POLR1A: variants seen among roughly 807,000 people sequenced by gnomAD.
The protein encoded by POLR1A is RNA polymerase I subunit A.
In POLR1A, 84 loss-of-function variants were observed where a neutral mutation model predicts 205.3. The observed-to-expected ratio is 0.41, with a 90% confidence interval of 0.34 to 0.49. The LOEUF is 0.49. POLR1A is among the 20% of genes least tolerant of loss of function. The probability of loss-of-function intolerance (pLI) is 0.22; values close to 1 mark genes in which losing one functional copy is unlikely to be tolerated. For synonymous variants in POLR1A, 799 were observed against 863.7 expected, an observed-to-expected ratio of 0.93 and a Z score of 1.31; for missense variants, 1,645 against 2,204.5, an observed-to-expected ratio of 0.75 and a Z score of 5.08.
intron 14 of POLR1A, among the ~76,000 whole-genome samples, chr2:86,062,439 C>G (rs1300053546): frequency 6.6e-6 from 1 of 151,550 alleles, no homozygotes; most frequent in Admixed American, 6.6e-5. Context: ...TTCTAAATAA[C>G]TGAACAACAT....
In POLR1A at chr2:86,098,634, C is replaced by G. The variant is rs368460121; in HGVS notation, c.409G>C (p.Glu137Gln). 1 of 1,613,544 alleles carries G rather than the reference C, an allele frequency of 6.2e-7. No homozygotes were observed. Among genetic ancestry groups the G allele is most frequent in the African/African-American group, 1.3e-5 (1 of 74,844 alleles). The change falls in exon 3 of 34, where the codon GAG (glutamate) becomes CAG (glutamine). Residue 137 changes from glutamate (E) to glutamine (Q), a missense_variant. Coordinates refer to ENST00000263857, the MANE Select transcript of POLR1A (RefSeq NM_015425.6). ...ACCCTGTTCAGAATTCTCTCAAGCT[C>G]GTAGACTGCTTGTAGGGCCCCGACT... Reference protein sequence around the residue: ...LEVGALQAVYELERILNRFLE... With the variant: ...LEVGALQAVYQLERILNRFLE...
rs746423557 is a variant in POLR1A, at chr2:86,031,351, G to A, written c.4557C>T (p.Thr1519=). 42 of 1,566,622 alleles carry A rather than the reference G, an allele frequency of 2.7e-5. No individual in the cohort carries two copies. The East Asian group carries it at 4.7e-4, about 18-fold the overall frequency. Residue 1519 remains threonine, a synonymous_variant, in exon 30 of 34, where the codon ACC becomes ACT. Coordinates refer to ENST00000263857, the MANE Select transcript of POLR1A (RefSeq NM_015425.6). ...HPFIDDYQYD[T]EESLWCQVTV... ...TGACCTGGCACCACAGGCTCTCCTCGGTGTCGTACTGGTAGTCATCTATGA... is the reference window on the plus strand; with the variant it reads ...TGACCTGGCACCACAGGCTCTCCTCAGTGTCGTACTGGTAGTCATCTATGA...
At chr2:86,074,985 G>T (rs753480399) in intron 12 of POLR1A, 45 bp downstream of exon 12, 2 of 1,378,378 alleles carry the variant, frequency 1.5e-6, no homozygotes, top group East Asian at 2.4e-5. Flanking sequence ...ACCAGAATCC[G>T]AACAGGAGCC....
chr2:86,049,057 G>A lies in POLR1A; in HGVS notation c.2476-15C>T. Reference sequence around the variant, plus strand: ...GCCCTGACAGCCTAGAATGAGAACAGAAACACAGCGGAGGCTGAGGCCAAA... The same window carrying A: ...GCCCTGACAGCCTAGAATGAGAACAAAAACACAGCGGAGGCTGAGGCCAAA... On this transcript the variant is annotated splice_polypyrimidine_tract_variant and intron_variant, in intron 17 of 33. Coordinates refer to ENST00000263857, the MANE Select transcript of POLR1A (RefSeq NM_015425.6). 1.2e-6 allele frequency: 2 copies of A among 1,614,186 alleles called. No individual in the cohort carries two copies. The highest frequency in any genetic ancestry group is 1.7e-6 in the Non-Finnish European group (2 of 1,180,000).
Position 86,105,783 on chromosome 2 carries a change from G to A in POLR1A, c.-7C>T, listed in dbSNP as rs1272225974. 3 of 1,612,676 alleles carry A rather than the reference G, an allele frequency of 1.9e-6. No individual in the cohort carries two copies. Among genetic ancestry groups the A allele is most frequent in the Non-Finnish European group, 2.5e-6 (3 of 1,178,646 alleles). ...TGTTCTTGGAGATCAACATCCTCCAGGTCCGTTTTGAATTCCGACACCCCA... is the reference window on the plus strand; with the variant it reads ...TGTTCTTGGAGATCAACATCCTCCAAGTCCGTTTTGAATTCCGACACCCCA... On this transcript the variant is annotated 5_prime_UTR_variant, in exon 1 of 34. Transcript: ENST00000263857.
At chr2:86,097,620 G>A (rs564180955) in intron 3 of POLR1A, among the ~76,000 whole-genome samples, 7 of 152,188 alleles carry the variant, frequency 4.6e-5, no homozygotes, top group African/African-American at 1.4e-4. Context: ...AGGACATTAC[G>A]TGAAATAAGC....
intron 28 of POLR1A, 127 bp from the exon 29 acceptor site, chr2:86,032,509 C>G (rs1054891163): frequency 1.3e-5 from 9 of 702,890 alleles, no homozygotes; most frequent in Non-Finnish European, 2.0e-5. Flanking sequence ...TCCCATCCAG[C>G]CACCACCCTC....
intron 6 of POLR1A, among the ~76,000 whole-genome samples, chr2:86,087,225 C>T (rs988959292): frequency 1.3e-5 from 2 of 152,126 alleles, no homozygotes; most frequent in African/African-American, 4.8e-5. Flanking sequence ...AAAAATTATC[C>T]TAAACTATAA....
In POLR1A at chr2:86,028,829, T is replaced by C. The variant is rs1158520877; in HGVS notation, c.4780-118A>G. 1.4e-5 allele frequency: 10 copies of C among 720,200 alleles called. No individual in the cohort carries two copies. Among genetic ancestry groups the C allele is most frequent in the African/African-American group, 5.2e-5 (3 of 57,294 alleles). 44.6% of individuals were successfully genotyped at this position (720,200 alleles called of 1,614,324 possible). A position where few individuals can be genotyped will look rare whatever the true frequency, so the allele number is the denominator to read the frequency against. On this transcript the variant is annotated intron_variant, in intron 31 of 33. Coordinates refer to ENST00000263857, the MANE Select transcript of POLR1A (RefSeq NM_015425.6). The surrounding 1 kb of genome is among the most constrained non-coding windows in gnomAD (Gnocchi z 4.5). ...GTGTCTGGCAGCTCGGTACAGCTGA[T>C]GACAAAGTGGTCAAGAGGTGGCCCA...
chr2:86,028,695 C>T lies in POLR1A; in HGVS notation c.4796G>A (p.Arg1599His), dbSNP rs368879644. 15 of 1,613,784 alleles carry T rather than the reference C, an allele frequency of 9.3e-6. No individual in the cohort carries two copies. Among genetic ancestry groups the T allele is most frequent in the East Asian group, 4.5e-5 (2 of 44,886 alleles). The change falls in exon 32 of 34, where the codon CGC (arginine) becomes CAC (histidine). Residue 1599 changes from arginine (R) to histidine (H), a missense_variant. This residue lies in a region of POLR1A where 394 missense variants were observed against 468.5 expected (regional missense o/e 0.84). Transcript: ENST00000263857. This position sits in a 1 kb window ranked among gnomAD's most constrained non-coding sequence, Gnocchi z 4.5. ...GGCGTGGATGTCGTTGGAGTAGAGG[C>T]GGCGCAGATCCAGGACCTGGAGAGA... is the stretch of plus-strand genomic sequence containing the variant. The part of the protein sequence containing the change: ...FKYAEVLDLR[R>H]LYSNDIHAIA...
At chr2:86,055,498 C>T (rs763344822) in intron 14 of POLR1A, among the ~76,000 whole-genome samples, 3 of 152,316 alleles carry the variant, frequency 2.0e-5, no homozygotes, top group African/African-American at 2.4e-5. Flanking sequence ...CAGCACTGTG[C>T]GGTGAGTGGG....
At chr2:86,071,706 C>T (rs1673183494) in intron 12 of POLR1A, among the ~76,000 whole-genome samples, 1 of 152,214 alleles carries the variant, frequency 6.6e-6, no homozygotes, top group Admixed American at 6.5e-5. Context: ...GTCCTTCTGA[C>T]AGACATCTCT....
chr2:86,092,125 A>G (rs897973883), intron 3 of POLR1A, among the ~76,000 whole-genome samples: 4 of 152,134 alleles, frequency 2.6e-5, no homozygotes, highest in Non-Finnish European at 4.4e-5. Context: ...CAAAAAATAA[A>G]TAAATAAAAA....
intron 1 of POLR1A, among the ~76,000 whole-genome samples, chr2:86,102,713 G>A (rs1208122634): frequency 1.3e-5 from 2 of 152,206 alleles, no homozygotes; most frequent in African/African-American, 4.8e-5. Flanking sequence ...CTCTCTCTTT[G>A]TAGAGGAGAA....
chr2:86,037,272 G>A (rs1672517435), intron 27 of POLR1A, among the ~76,000 whole-genome samples: 2 of 152,246 alleles, frequency 1.3e-5, no homozygotes, highest in South Asian at 4.1e-4. Flanking sequence ...CAACGCAGGT[G>A]CTCCTGAGGC....
intron 4 of POLR1A, among the ~76,000 whole-genome samples, chr2:86,089,259 G>A (rs1424522): frequency 0.38 from 57,277 of 152,118 alleles, 13,248 homozygotes; most frequent in Non-Finnish European, 0.52. Flanking sequence ...TCTAAGGAAG[G>A]CACATCCACA....
Position 86,070,559 on chromosome 2 carries a change from C to T in POLR1A, c.1612-287G>A, listed in dbSNP as rs1269450733. ...TTTGTCTTCTTCAGAGATGCATAGC[C>T]GTCCCAGGTTTCTGGATTACTCTGA... is the stretch of plus-strand genomic sequence containing the variant. On this transcript the variant is annotated intron_variant, in intron 12 of 33. Transcript: ENST00000263857. This position sits in a 1 kb window ranked among gnomAD's most constrained non-coding sequence, Gnocchi z 4.4. Among the ~76,000 whole-genome samples, 3 of 151,966 alleles carry T rather than the reference C, an allele frequency of 2.0e-5. No individual in the cohort carries two copies. The highest frequency in any genetic ancestry group is 2.9e-5 in the Non-Finnish European group (2 of 68,018).
In POLR1A at chr2:86,087,531, T is replaced by C. The variant is rs116483116; in HGVS notation, c.730+1035A>G. Among the ~76,000 whole-genome samples the C allele has an allele frequency of 5.3e-5, 8 of 152,330 alleles. No individual in the cohort carries two copies. The East Asian group carries it at 1.2e-3, about 22-fold the overall frequency. Reference sequence around the variant, plus strand: ...AAAAAGTGGCAGAGCCAAGTGACAATTGCAGGTTGTGCTTTTTCTTTCTTT... The same window carrying C: ...AAAAAGTGGCAGAGCCAAGTGACAACTGCAGGTTGTGCTTTTTCTTTCTTT... On this transcript the variant is annotated intron_variant, in intron 6 of 33. Coordinates refer to ENST00000263857, the MANE Select transcript of POLR1A (RefSeq NM_015425.6).
intron 23 of POLR1A, among the ~76,000 whole-genome samples, 192 bp downstream of exon 23, chr2:86,042,782 C>A (rs945775726): frequency 1.3e-5 from 2 of 152,220 alleles, no homozygotes; most frequent in African/African-American, 2.4e-5. Flanking sequence ...TTAGTCCCCC[C>A]AAACCCTGCC....
Sources: allele counts gnomAD v4.1 joint callset (sites outside exome capture counted in the v4.1 genomes callset), GRCh38; gene constraint gnomAD v4.1.1; regional missense constraint gnomAD v4.1.1; non-coding constraint Gnocchi (gnomAD v3.1); transcripts MANE v1.5; gene names NCBI Gene and HGNC (gene_info 2026-07-23, HGNC 2026-07-21).